Variants in DLG2 observed in about 807,000 individuals in gnomAD.
DLG2 encodes the protein disks large homolog 2.
Under a neutral mutation model 132.5 loss-of-function variants are expected in DLG2, and 45 were observed. The observed-to-expected ratio is 0.34, with a 90% CI of 0.27 to 0.44. DLG2 has a LOEUF of 0.44. Among genes scored for constraint, DLG2 ranks in the 20% least tolerant of loss-of-function variants. The pLI is 1.00. For synonymous variants in DLG2, 424 were observed against 419.6 expected (o/e 1.01, Z -0.13); for missense variants, 1,045 against 1,196.9 (o/e 0.87, Z 1.87).
intron 3 of DLG2, among the ~76,000 whole-genome samples, chr11:85,587,469 T>C (rs1368867023): frequency 6.6e-6 from 1 of 152,194 alleles, no homozygotes. Context: ...TTTGTCTTTT[T>C]CAACTGTTGT....
chr11:84,921,991 G>A (rs908587320), intron 6 of DLG2, among the ~76,000 whole-genome samples: 1 of 152,016 alleles, frequency 6.6e-6, no homozygotes, highest in Non-Finnish European at 1.5e-5. Context: ...AAAAGAATTG[G>A]TCATCAAAAC....
intron 2 of DLG2, among the ~76,000 whole-genome samples, chr11:85,611,574 A>C: frequency 6.6e-6 from 1 of 152,246 alleles, no homozygotes; most frequent in Non-Finnish European, 1.5e-5. Context: ...TAATGATGTA[A>C]CCGTACTTGA....
intron 18 of DLG2, among the ~76,000 whole-genome samples, chr11:83,643,435 G>A (rs1425388949): frequency 6.6e-6 from 1 of 152,160 alleles, no homozygotes; most frequent in East Asian, 1.9e-4. Flanking sequence ...TAATTGGTGT[G>A]ATTTATAGCT....
At chr11:84,827,568 C>G (rs1000051729) in intron 6 of DLG2, among the ~76,000 whole-genome samples, 1 of 146,346 alleles carries the variant, frequency 6.8e-6, no homozygotes, top group Non-Finnish European at 1.5e-5. Context: ...AAGAGTTAGG[C>G]AGAAGAGCAT....
chr11:85,456,665 T>G (rs1429788179), intron 3 of DLG2, among the ~76,000 whole-genome samples: 1 of 152,238 alleles, frequency 6.6e-6, no homozygotes, highest in Non-Finnish European at 1.5e-5. Flanking sequence ...TTGTATGTTC[T>G]GTCTTTGTTT....
intron 6 of DLG2, among the ~76,000 whole-genome samples, chr11:84,826,712 A>G (rs2078370907): frequency 6.6e-6 from 1 of 151,712 alleles, no homozygotes; most frequent in Non-Finnish European, 1.5e-5. Context: ...CATAGAGGGC[A>G]CACTGGCACT....
intron 5 of DLG2, among the ~76,000 whole-genome samples, chr11:85,151,752 T>A (rs905847832): frequency 6.6e-6 from 1 of 152,202 alleles, no homozygotes; most frequent in Admixed American, 6.5e-5. Flanking sequence ...AATATATCTG[T>A]CTTTATGCCA....
chr11:84,776,245 T>C (rs1217648246), intron 6 of DLG2, among the ~76,000 whole-genome samples: 2 of 152,044 alleles, frequency 1.3e-5, no homozygotes, highest in African/African-American at 4.8e-5. Context: ...GTCTTGATCT[T>C]CTGGGCTTAA....
intron 6 of DLG2, among the ~76,000 whole-genome samples, chr11:85,027,104 G>A (rs553713752): frequency 6.9e-5 from 10 of 145,824 alleles, no homozygotes; most frequent in African/African-American, 2.5e-4. Flanking sequence ...GAACTACTGA[G>A]TTAGACAGAA....
At chr11:84,341,557 G>T (rs2098514789) in intron 7 of DLG2, among the ~76,000 whole-genome samples, 2 of 152,166 alleles carry the variant, frequency 1.3e-5, no homozygotes, top group African/African-American at 4.8e-5. Context: ...GATATACCCA[G>T]GTTTTCTGTA....
At chr11:84,734,041 C>T (rs533435821) in intron 6 of DLG2, among the ~76,000 whole-genome samples, 2 of 152,242 alleles carry the variant, frequency 1.3e-5, no homozygotes, top group African/African-American at 4.8e-5. Context: ...GTTACTGTAG[C>T]CTTGTAATAT....
intron 3 of DLG2, among the ~76,000 whole-genome samples, chr11:85,427,421 T>G (rs896422864): frequency 6.6e-6 from 1 of 152,184 alleles, no homozygotes; most frequent in African/African-American, 2.4e-5. Context: ...GACTAACAGC[T>G]GATCTCTTGG....
intron 18 of DLG2, among the ~76,000 whole-genome samples, chr11:83,711,836 CTCTA>C (rs57206030): frequency 0.33 from 49,906 of 151,670 alleles, 9,695 homozygotes; most frequent in African/African-American, 0.55. Flanking sequence ...TCATTTTAGA[CTCTA>C]CTTGGTGAAG....
intron 7 of DLG2, among the ~76,000 whole-genome samples, chr11:84,278,559 A>G (rs1454336015): frequency 6.6e-6 from 1 of 152,100 alleles, no homozygotes; most frequent in Non-Finnish European, 1.5e-5. Context: ...ACCCTCATGA[A>G]TATACAAGCA....
intron 16 of DLG2, among the ~76,000 whole-genome samples, chr11:83,854,328 G>A (rs1249007120): frequency 2.0e-5 from 3 of 152,080 alleles, no homozygotes; most frequent in Non-Finnish European, 2.9e-5. Context: ...TAGATTTAGT[G>A]CAATCCCAAT....
At chr11:84,758,027 T>C (rs1251243242) in intron 6 of DLG2, among the ~76,000 whole-genome samples, 1 of 152,226 alleles carries the variant, frequency 6.6e-6, no homozygotes, top group Non-Finnish European at 1.5e-5. Context: ...TGTATTCCAA[T>C]GGTTGGGTCA....
chr11:85,428,146 A>T (rs557545408), intron 3 of DLG2, among the ~76,000 whole-genome samples: 1 of 152,362 alleles, frequency 6.6e-6, no homozygotes, highest in Admixed American at 6.5e-5. Flanking sequence ...AGAGACCTAA[A>T]AAGAGACTTA....
chr11:84,624,840 C>T (rs1404701310), intron 6 of DLG2, among the ~76,000 whole-genome samples: 2 of 139,846 alleles, frequency 1.4e-5, no homozygotes, highest in African/African-American at 5.6e-5. Flanking sequence ...AGAGTTACCT[C>T]TCAGAAGAGA....
chr11:85,125,762 C>G (rs753308232), intron 5 of DLG2, among the ~76,000 whole-genome samples: 3 of 150,798 alleles, frequency 2.0e-5, no homozygotes, highest in African/African-American at 7.3e-5. Flanking sequence ...AAAGACTAAA[C>G]GTGTTTTTAT....
Sources: gnomAD v4.1 joint callset for allele counts (sites outside exome capture counted in the v4.1 genomes callset) on GRCh38, gnomAD v4.1.1 for gene constraint, MANE v1.5 for transcripts, NCBI Gene and HGNC (gene_info 2026-07-23, HGNC 2026-07-21) for gene names.